MSRA: variants seen among roughly 807,000 people sequenced by gnomAD.
MSRA encodes methionine sulfoxide reductase A.
In MSRA, 54 loss-of-function variants were observed where a neutral mutation model predicts 31.3. That is an observed-to-expected ratio of 1.73 (90% CI 1.39 to 2.17). The LOEUF is 2.17. Among genes scored for constraint, MSRA ranks in the 30% most tolerant of loss-of-function variants. The pLI is 0.00. For missense variants in MSRA, 507 were observed against 300.9 expected, an observed-to-expected ratio of 1.69 and a Z score of -5.07; for synonymous variants, 169 against 116.5, an observed-to-expected ratio of 1.45 and a Z score of -2.90.
chr8:10,362,526 G>T lies in MSRA; in HGVS notation c.543+42537G>T, dbSNP rs1367367062. Among the ~76,000 whole-genome samples the T allele has an allele frequency of 2.0e-5, 3 of 150,298 alleles. No homozygotes were observed. The South Asian group carries it at 6.4e-4, about 32-fold the overall frequency. On this transcript the variant is annotated intron_variant, in intron 5 of 5. Coordinates refer to ENST00000317173, the MANE Select transcript of MSRA (RefSeq NM_012331.5). ...GGCTGTGGGTGGTGGAACTGGGCATGGGAGGGGAGGCCACTGAGACATCTC... is the reference window on the plus strand; with the variant it reads ...GGCTGTGGGTGGTGGAACTGGGCATTGGAGGGGAGGCCACTGAGACATCTC...
In MSRA at chr8:10,119,869, A is replaced by G. The variant is rs947438207; in HGVS notation, c.142+65211A>G. 6.6e-5 allele frequency among the ~76,000 whole-genome samples: 10 copies of G among 152,334 alleles called. 1 individual carries two copies. In the East Asian group the frequency reaches 9.7e-4, roughly 15 times the overall value. On this transcript the variant is annotated intron_variant, in intron 1 of 5. Transcript: ENST00000317173. ...TTGGAGAAAGCTGAAGGAAGACACT[A>G]TTTACAAAGGTGTGGTCAGGATTAA...
chr8:10,360,884 A>T (rs1368351643), intron 5 of MSRA, among the ~76,000 whole-genome samples: 2 of 152,188 alleles, frequency 1.3e-5, no homozygotes, highest in African/African-American at 4.8e-5. Flanking sequence ...CTGCCACTCC[A>T]AAAAGGCAAG....
chr8:10,297,222 G>T (rs1198835369), intron 3 of MSRA, among the ~76,000 whole-genome samples: 1 of 152,136 alleles, frequency 6.6e-6, no homozygotes, highest in Admixed American at 6.5e-5. Context: ...CTAATCCAAG[G>T]AATGGCTGCC....
chr8:10,099,117 G>C (rs1244554802), intron 1 of MSRA, among the ~76,000 whole-genome samples: 1 of 152,206 alleles, frequency 6.6e-6, no homozygotes, highest in Non-Finnish European at 1.5e-5. Context: ...GAGTGAGAGA[G>C]AGAGAGAGTG....
chr8:10,099,206 A>G (rs1052016778), intron 1 of MSRA, among the ~76,000 whole-genome samples: 4 of 152,070 alleles, frequency 2.6e-5, no homozygotes, highest in Non-Finnish European at 4.4e-5. Context: ...ATCTTTGAAG[A>G]GGAGATAAAA....
Position 10,054,522 on chromosome 8 carries a change from C to T in MSRA, c.6C>T (p.Leu2=), listed in dbSNP as rs992588425. The change falls in exon 1 of 6, where the codon CTC becomes CTT. Residue 2 remains leucine, a synonymous_variant. Transcript: ENST00000317173. M[L]SATRRACQLL... is the part of the protein sequence containing the mutation. ...CCTTCGGCTGGCGCCCTCCCATGCT[C>T]TCGGCCACCCGGAGGGCTTGCCAGC... is the stretch of plus-strand genomic sequence containing the variant. 6.3e-7 allele frequency: 1 copy of T among 1,582,494 alleles called. No homozygotes were observed. Among genetic ancestry groups the T allele is most frequent in the African/African-American group, 1.4e-5 (1 of 71,974 alleles).
intron 5 of MSRA, among the ~76,000 whole-genome samples, chr8:10,410,899 G>A (rs1808115479): frequency 6.6e-6 from 1 of 152,060 alleles, no homozygotes; most frequent in Admixed American, 6.6e-5. Flanking sequence ...CTGGTTCTGA[G>A]CCTGACAAAA....
intron 1 of MSRA, among the ~76,000 whole-genome samples, chr8:10,156,785 G>T (rs78200322): frequency 1.2e-3 from 173 of 145,106 alleles, no homozygotes; most frequent in African/African-American, 4.1e-3. Flanking sequence ...TTGCCTTCTG[G>T]TTCTGTATCG....
intron 3 of MSRA, among the ~76,000 whole-genome samples, chr8:10,265,499 A>G (rs555593815): frequency 1.3e-5 from 2 of 152,344 alleles, no homozygotes; most frequent in East Asian, 3.9e-4. Context: ...TAGAAACTCA[A>G]CAAAGGTGAT....
At chr8:10,228,929 T>A (rs937771766) in intron 2 of MSRA, among the ~76,000 whole-genome samples, 11 of 152,192 alleles carry the variant, frequency 7.2e-5, no homozygotes, top group Admixed American at 2.6e-4. Context: ...CTCAGTTACT[T>A]GCTGTTTGTA....
At chr8:10,205,151 G>A (rs1446603657) in intron 1 of MSRA, among the ~76,000 whole-genome samples, 1 of 152,164 alleles carries the variant, frequency 6.6e-6, no homozygotes. Flanking sequence ...TGTGTCACAT[G>A]ATTAGATTTT....
intron 1 of MSRA, among the ~76,000 whole-genome samples, chr8:10,060,617 C>G (rs1802659277): frequency 2.0e-5 from 3 of 149,102 alleles, no homozygotes; most frequent in African/African-American, 7.4e-5. Flanking sequence ...TTTCTGTCAT[C>G]TTTTGTCATA....
chr8:10,405,199 C>T (rs1807727919), intron 5 of MSRA, among the ~76,000 whole-genome samples: 1 of 152,188 alleles, frequency 6.6e-6, no homozygotes, highest in Non-Finnish European at 1.5e-5. Flanking sequence ...CCCAGCCTCC[C>T]TCTGGGAGAG....
intron 5 of MSRA, among the ~76,000 whole-genome samples, chr8:10,412,429 G>T (rs1396052351): frequency 6.6e-6 from 1 of 152,228 alleles, no homozygotes; most frequent in African/African-American, 2.4e-5. Flanking sequence ...ACATGGGAAT[G>T]AATGTGGACC....
chr8:10,078,525 T>A lies in MSRA; in HGVS notation c.142+23867T>A, dbSNP rs974328750. Among the ~76,000 whole-genome samples, 24 of 152,260 alleles carry A rather than the reference T, an allele frequency of 1.6e-4. 1 individual carries two copies. Among genetic ancestry groups the A allele is most frequent in the Admixed American group, 4.6e-4 (7 of 15,288 alleles). On this transcript the variant is annotated intron_variant, in intron 1 of 5. Transcript: ENST00000317173. ...CTGGGGTGGGTCATCTGACCCTTTC[T>A]GGACAGCGTCTGCTTCCTGCAGCTT...
chr8:10,349,648 G>T (rs542348998), intron 5 of MSRA, among the ~76,000 whole-genome samples: 5 of 152,314 alleles, frequency 3.3e-5, no homozygotes, highest in African/African-American at 9.6e-5. Flanking sequence ...TTGCTTTTGT[G>T]GCCTTCGTCC....
In MSRA at chr8:10,068,660, G is replaced by C. The variant is rs1436154194; in HGVS notation, c.142+14002G>C. Among the ~76,000 whole-genome samples the C allele has an allele frequency of 8.5e-5, 13 of 152,298 alleles. 1 individual carries two copies. In the South Asian group the frequency reaches 2.3e-3, roughly 27 times the overall value. On this transcript the variant is annotated intron_variant, in intron 1 of 5. Transcript: ENST00000317173. ...CTGGGCTCCTTATTATGATCCATTT[G>C]TCAGAATAGACAAATGTCTTTTCTT... is the stretch of plus-strand genomic sequence containing the variant.
Position 10,241,755 on chromosome 8 carries a change from C to G in MSRA, c.212-3349C>G, listed in dbSNP as rs187051108. On this transcript the variant is annotated intron_variant, in intron 2 of 5. Transcript: ENST00000317173. ...AATCAAAGACCATCCATAGCCCCAC[C>G]TCTAGTCTTGCCAGAGGATCAAGTC... Among the ~76,000 whole-genome samples, 1,072 of 152,300 alleles carry G rather than the reference C, an allele frequency of 7.0e-3. 12 individuals carry two copies. Among genetic ancestry groups the G allele is most frequent in the African/African-American group, 0.025 (1,027 of 41,568 alleles).
At chr8:10,300,905 A>G (rs1053162644) in intron 3 of MSRA, among the ~76,000 whole-genome samples, 1 of 152,092 alleles carries the variant, frequency 6.6e-6, no homozygotes, top group South Asian at 2.1e-4. Context: ...CTTACAGAGG[A>G]TCCTGCAAGT....
Sources: allele counts gnomAD v4.1 joint callset (sites outside exome capture counted in the v4.1 genomes callset), GRCh38; gene constraint gnomAD v4.1.1; transcripts MANE v1.5; gene names NCBI Gene and HGNC (gene_info 2026-07-23, HGNC 2026-07-21).